The following MARCHF1 variants were observed in gnomAD, a reference collection of about 807,000 sequenced individuals.
MARCHF1 encodes the protein membrane associated ring-CH-type finger 1, also known as E3 ubiquitin-protein ligase MARCHF1.
MARCHF1 carries 40 observed loss-of-function variants against 54.2 expected under a neutral mutation model. The ratio of observed to expected loss-of-function variants is 0.74; its 90% CI spans 0.57 to 0.96. MARCHF1 has a LOEUF of 0.96. Among genes scored for constraint, MARCHF1 ranks in the 40% least tolerant of loss-of-function variants. The pLI is 0.00. For missense variants in MARCHF1, 586 were observed against 656.5 expected (o/e 0.89, Z 1.17); for synonymous variants, 236 against 236.3 (o/e 1.00, Z 0.01).
intron 1 of MARCHF1, among the ~76,000 whole-genome samples, chr4:164,260,861 G>T (rs977700666): frequency 2.0e-5 from 3 of 152,176 alleles, no homozygotes; most frequent in African/African-American, 7.2e-5. Flanking sequence ...CCTTTCAAAA[G>T]ACTAGAGCTA....
intron 1 of MARCHF1, among the ~76,000 whole-genome samples, chr4:164,295,447 A>C (rs1232829000): frequency 1.3e-5 from 2 of 150,694 alleles, no homozygotes; most frequent in South Asian, 2.1e-4. Context: ...CATACACACA[A>C]ACACACACAC....
chr4:163,534,103 T>G (rs17472994), intron 9 of MARCHF1, among the ~76,000 whole-genome samples: 19,802 of 152,070 alleles, frequency 0.13, 1,394 homozygotes, highest in East Asian at 0.16. Context: ...GCTATTCCTC[T>G]GTTTAGAGTG....
intron 4 of MARCHF1, among the ~76,000 whole-genome samples, chr4:163,757,120 A>C (rs1746700273): frequency 6.6e-6 from 1 of 152,234 alleles, no homozygotes; most frequent in South Asian, 2.1e-4. Context: ...TTAAATCAGT[A>C]ACGTTTGCAA....
intron 1 of MARCHF1, among the ~76,000 whole-genome samples, chr4:164,371,687 T>C (rs1415080900): frequency 6.6e-6 from 1 of 152,156 alleles, no homozygotes; most frequent in Non-Finnish European, 1.5e-5. Flanking sequence ...CATTTAAACA[T>C]ATGCATGCAA....
chr4:164,352,824 A>AT (rs1730396027), intron 1 of MARCHF1, among the ~76,000 whole-genome samples: 1 of 100,170 alleles, frequency 1.0e-5, no homozygotes, highest in African/African-American at 3.2e-5. Flanking sequence ...GGCAAGTTGG[A>AT]TAAAGAGTCA....
intron 1 of MARCHF1, among the ~76,000 whole-genome samples, chr4:164,338,629 A>AC (rs1194846945): frequency 2.6e-5 from 4 of 152,236 alleles, no homozygotes; most frequent in Admixed American, 6.5e-5. Flanking sequence ...AACAGACTTT[A>AC]AGTCAGAAAC....
chr4:163,618,194 T>C (rs1391616245), intron 5 of MARCHF1, among the ~76,000 whole-genome samples: 1 of 152,184 alleles, frequency 6.6e-6, no homozygotes, highest in Non-Finnish European at 1.5e-5. Context: ...TAGCAGATAC[T>C]GTGCCTGAAT....
rs1307402899 is a variant in MARCHF1 at position 164,354,410 on chromosome 4, C to T, written c.-323+29460G>A. Among the ~76,000 whole-genome samples, 3 of 135,696 alleles carry T rather than the reference C, an allele frequency of 2.2e-5. 1 individual carries two copies. Among genetic ancestry groups the T allele is most frequent in the Non-Finnish European group, 4.8e-5 (3 of 62,064 alleles). The allele number at this position is 135,696 out of a possible 152,430, so 89.0% of individuals were successfully genotyped here. On this transcript the variant is annotated intron_variant, in intron 1 of 9. Transcript: ENST00000514618. Reference sequence around the variant, plus strand: ...TCCAGCAGCACATCAAAAAGCTTATCCACCATGATCAAGTGGGCTTCATCC... The same window carrying T: ...TCCAGCAGCACATCAAAAAGCTTATTCACCATGATCAAGTGGGCTTCATCC...
At chr4:163,684,386 AAAC>A (rs1744203771) in intron 5 of MARCHF1, among the ~76,000 whole-genome samples, 1 of 152,226 alleles carries the variant, frequency 6.6e-6, no homozygotes, top group Non-Finnish European at 1.5e-5. Flanking sequence ...GAAAAAAACA[AAAC>A]AAACATACAA....
intron 4 of MARCHF1, among the ~76,000 whole-genome samples, chr4:163,808,042 T>C (rs75240663): frequency 0.024 from 3,625 of 152,318 alleles, 66 homozygotes; most frequent in East Asian, 0.074. Flanking sequence ...CCTACACATA[T>C]TTCATGCACT....
At chr4:164,206,363 G>A (rs1482687275) in intron 1 of MARCHF1, among the ~76,000 whole-genome samples, 2 of 152,164 alleles carry the variant, frequency 1.3e-5, no homozygotes, top group Admixed American at 1.3e-4. Context: ...CTTGAACCCA[G>A]GAGGTGGAGG....
chr4:164,170,781 G>T (rs749834427), intron 1 of MARCHF1, among the ~76,000 whole-genome samples: 2 of 151,994 alleles, frequency 1.3e-5, no homozygotes, highest in Non-Finnish European at 2.9e-5. Flanking sequence ...TTAAATAGTA[G>T]GAAAAAATTT....
chr4:163,631,773 T>C (rs1742092623), intron 5 of MARCHF1, among the ~76,000 whole-genome samples: 1 of 152,206 alleles, frequency 6.6e-6, no homozygotes, highest in Non-Finnish European at 1.5e-5. Flanking sequence ...TTCTTACATA[T>C]GATACCAAAA....
chr4:164,238,533 C>A (rs962523415), intron 1 of MARCHF1, among the ~76,000 whole-genome samples: 5 of 151,834 alleles, frequency 3.3e-5, no homozygotes, highest in African/African-American at 9.7e-5. Flanking sequence ...ATGCCTTTAA[C>A]CTTCCTTGGA....
intron 1 of MARCHF1, among the ~76,000 whole-genome samples, chr4:164,283,902 G>T (rs967934421): frequency 6.6e-6 from 1 of 150,858 alleles, no homozygotes; most frequent in Non-Finnish European, 1.5e-5. Context: ...TCCACATGAG[G>T]TTATTATCAT....
intron 3 of MARCHF1, among the ~76,000 whole-genome samples, chr4:163,945,226 C>A (rs1222221472): frequency 6.6e-6 from 1 of 152,078 alleles, no homozygotes; most frequent in Admixed American, 6.6e-5. Flanking sequence ...TGGTTGTTGG[C>A]CAGACATGGT....
In MARCHF1 at chr4:164,104,030, T is replaced by G. The variant is rs1463008050; in HGVS notation, c.-248+7558A>C. On this transcript the variant is annotated intron_variant, in intron 2 of 9. Coordinates refer to ENST00000514618, the MANE Select transcript of MARCHF1 (RefSeq NM_001394959.1). ...GAAAATCTAGAAGAAATGGATAAAT[T>G]CCTGGACACATGCACTCTCCCAAGA... 4.6e-5 allele frequency among the ~76,000 whole-genome samples: 7 copies of G among 151,630 alleles called. No homozygotes were observed. The East Asian group carries it at 1.4e-3, about 29-fold the overall frequency.
chr4:163,670,138 T>A (rs1743681319), intron 5 of MARCHF1, among the ~76,000 whole-genome samples: 1 of 152,030 alleles, frequency 6.6e-6, no homozygotes, highest in South Asian at 2.1e-4. Flanking sequence ...ATAAAAAATT[T>A]CAGTTAGGTT....
intron 1 of MARCHF1, among the ~76,000 whole-genome samples, chr4:164,133,605 T>A (rs1160711924): frequency 6.6e-6 from 1 of 152,188 alleles, no homozygotes; most frequent in Non-Finnish European, 1.5e-5. Flanking sequence ...TGCACCTACA[T>A]GAATTCTAAT....
Sources: gnomAD v4.1 joint callset for allele counts (sites outside exome capture counted in the v4.1 genomes callset) on GRCh38, gnomAD v4.1.1 for gene constraint, MANE v1.5 for transcripts, NCBI Gene and HGNC (gene_info 2026-07-23, HGNC 2026-07-21) for gene names.